The following PHIP variants were observed in gnomAD, a reference collection of about 807,000 sequenced individuals.
PHIP encodes PHIP subunit of CUL4-Ring ligase complex.
In PHIP, 54 loss-of-function variants were observed where a neutral mutation model predicts 236.8. The observed-to-expected ratio is 0.23, with a 90% confidence interval of 0.18 to 0.29. PHIP has a LOEUF of 0.29. Among genes scored for constraint, PHIP ranks in the 10% least tolerant of loss-of-function variants. The pLI is 1.00. For synonymous variants in PHIP, 756 were observed against 718.9 expected, an observed-to-expected ratio of 1.05 and a Z score of -0.83; for missense variants, 1,370 against 2,190.8, an observed-to-expected ratio of 0.63 and a Z score of 7.48.
At chr6:79,061,112 C>T (rs773229492) in intron 4 of PHIP, among the ~76,000 whole-genome samples, 3 of 152,132 alleles carry the variant, frequency 2.0e-5, no homozygotes, top group East Asian at 1.9e-4. Flanking sequence ...AAGCTACCCA[C>T]TATAAAAAGT....
chr6:78,980,002 G>T (rs1182768057), intron 23 of PHIP, among the ~76,000 whole-genome samples: 1 of 151,892 alleles, frequency 6.6e-6, no homozygotes, highest in East Asian at 1.9e-4. Flanking sequence ...GGAGAGTTAG[G>T]GTAAAGGTCT....
intron 23 of PHIP, among the ~76,000 whole-genome samples, chr6:78,981,315 T>G (rs1225257820): frequency 6.6e-6 from 1 of 152,018 alleles, no homozygotes; most frequent in Non-Finnish European, 1.5e-5. Flanking sequence ...GAAATACTTT[T>G]ATGTTTATTT....
intron 6 of PHIP, among the ~76,000 whole-genome samples, chr6:79,047,230 A>G (rs1368951868): frequency 1.3e-5 from 2 of 152,136 alleles, no homozygotes; most frequent in Non-Finnish European, 2.9e-5. Context: ...AAAGGCCCAC[A>G]ACTTCTTAAA....
intron 21 of PHIP, among the ~76,000 whole-genome samples, chr6:78,987,056 T>C (rs1004082619): frequency 2.6e-5 from 4 of 152,152 alleles, no homozygotes; most frequent in Non-Finnish European, 4.4e-5. Flanking sequence ...AGTGATACTT[T>C]GTTCTCAATG....
chr6:79,063,109 T>C (rs1249927442), intron 4 of PHIP, among the ~76,000 whole-genome samples: 1 of 152,226 alleles, frequency 6.6e-6, no homozygotes, highest in East Asian at 1.9e-4. Flanking sequence ...TACCATTATG[T>C]GCCCTGTTTT....
At chr6:79,027,103 A>G (rs1771445540) in intron 7 of PHIP, among the ~76,000 whole-genome samples, 1 of 152,154 alleles carries the variant, frequency 6.6e-6, no homozygotes, top group Non-Finnish European at 1.5e-5. Flanking sequence ...TGACATTAGA[A>G]AGAACTCAGA....
chr6:79,043,683 C>G (rs1772336062), intron 6 of PHIP, among the ~76,000 whole-genome samples: 1 of 151,998 alleles, frequency 6.6e-6, no homozygotes, highest in Non-Finnish European at 1.5e-5. Context: ...TACATTGACT[C>G]CAGCTGAAAA....
chr6:78,999,652 T>C (rs1178876015), intron 17 of PHIP, among the ~76,000 whole-genome samples: 1 of 152,098 alleles, frequency 6.6e-6, no homozygotes, highest in African/African-American at 2.4e-5. Flanking sequence ...GTATCAGCCA[T>C]ACAAGTATAT....
chr6:79,065,143 A>T (rs991671919), intron 4 of PHIP, among the ~76,000 whole-genome samples: 1 of 152,178 alleles, frequency 6.6e-6, no homozygotes, highest in African/African-American at 2.4e-5. Flanking sequence ...GTATCTCCAT[A>T]ACAGTCCAAA....
rs752158351 is a variant in PHIP at position 79,019,163 on chromosome 6, T to C, written c.924-4A>G. On this transcript the variant is annotated splice_region_variant and splice_polypyrimidine_tract_variant and intron_variant, in intron 9 of 39. Coordinates refer to ENST00000275034, the MANE Select transcript of PHIP (RefSeq NM_017934.7). ...TGTAAATTTTGCAGGTCTTGGGCTG[T>C]AATACAAAAAATAAAGAATTAAAAA... is the stretch of plus-strand genomic sequence containing the variant. 6.2e-7 allele frequency: 1 copy of C among 1,602,410 alleles called. No homozygotes were observed. Among genetic ancestry groups the C allele is most frequent in the Non-Finnish European group, 8.5e-7 (1 of 1,170,244 alleles).
At chr6:78,951,216 A>G (rs1397242207) in intron 35 of PHIP, among the ~76,000 whole-genome samples, 1 of 152,192 alleles carries the variant, frequency 6.6e-6, no homozygotes, top group Non-Finnish European at 1.5e-5. Context: ...ATGTTTTGCA[A>G]TATTTTGGTT....
chr6:79,057,500 C>T (rs1009151146), intron 6 of PHIP, among the ~76,000 whole-genome samples: 2 of 152,028 alleles, frequency 1.3e-5, no homozygotes, highest in Non-Finnish European at 2.9e-5. Context: ...TAATTTCTTA[C>T]TCCAAAATTA....
At chr6:79,066,624 T>C (rs1265911642) in intron 4 of PHIP, among the ~76,000 whole-genome samples, 2 of 152,142 alleles carry the variant, frequency 1.3e-5, no homozygotes, top group African/African-American at 4.8e-5. Flanking sequence ...CATTTCACAG[T>C]TCACTTGCAC....
chr6:78,962,572 A>G (rs1410696496), intron 30 of PHIP, among the ~76,000 whole-genome samples: 1 of 152,120 alleles, frequency 6.6e-6, no homozygotes, highest in Non-Finnish European at 1.5e-5. Context: ...GTGGGTTGCT[A>G]CAAACCACCA....
At chr6:79,040,962 A>C (rs1772180602) in intron 7 of PHIP, among the ~76,000 whole-genome samples, 1 of 152,126 alleles carries the variant, frequency 6.6e-6, no homozygotes, top group Non-Finnish European at 1.5e-5. Flanking sequence ...GCTTTCAACT[A>C]AAGAAATAAC....
chr6:78,988,454 G>A (rs1769007761), intron 20 of PHIP, 105 bp from the exon 21 acceptor site: 5 of 759,610 alleles, frequency 6.6e-6, no homozygotes, highest in Non-Finnish European at 4.0e-6. Flanking sequence ...TGGGCATGGT[G>A]GCGCATGCCT....
In PHIP at chr6:78,997,725, C is replaced by T. The variant is rs111610225; in HGVS notation, c.2018-128G>A. 107 of 755,794 alleles carry T rather than the reference C, an allele frequency of 1.4e-4. No individual in the cohort carries two copies. In the African/African-American group the frequency reaches 1.5e-3, roughly 11 times the overall value. 46.8% of individuals were successfully genotyped at this position (755,794 alleles called of 1,614,324 possible). ...TATTGTGGCAAAATAATTAAATTAC[C>T]ATATCAGGAACTAAACCACAGGCAA... is the stretch of plus-strand genomic sequence containing the variant. On this transcript the variant is annotated intron_variant, in intron 18 of 39. Coordinates refer to ENST00000275034, the MANE Select transcript of PHIP (RefSeq NM_017934.7).
At chr6:78,961,890 TTA>T in intron 30 of PHIP, 80 bp from the exon 31 acceptor site, 1 of 1,120,980 alleles carries the variant, frequency 8.9e-7, no homozygotes, top group South Asian at 1.5e-5. Flanking sequence ...GAATTAAGAC[TTA>T]AAAAGTCCTA....
intron 7 of PHIP, among the ~76,000 whole-genome samples, chr6:79,034,225 C>A (rs887154442): frequency 1.3e-5 from 2 of 152,066 alleles, no homozygotes; most frequent in African/African-American, 4.8e-5. Context: ...GTAAAAAATA[C>A]AGTATTTGCA....
Sources: allele counts gnomAD v4.1 joint callset (sites outside exome capture counted in the v4.1 genomes callset), GRCh38; gene constraint gnomAD v4.1.1; transcripts MANE v1.5; gene names NCBI Gene and HGNC (gene_info 2026-07-23, HGNC 2026-07-21).